Variants in MFN1 observed in about 807,000 individuals in gnomAD.
The protein encoded by MFN1 is mitofusin-1.
MFN1 carries 65 observed loss-of-function variants against 92.4 expected under a neutral mutation model. The ratio of observed to expected loss-of-function variants is 0.70; its 90% CI spans 0.58 to 0.86. MFN1 has a LOEUF of 0.86. Ranked by LOEUF, MFN1 falls within the 40% of genes least tolerant of loss-of-function variation. The probability of loss-of-function intolerance (pLI) is 0.00; values close to 1 mark genes in which losing one functional copy is unlikely to be tolerated. For missense variants in MFN1, 781 were observed against 868.0 expected, an observed-to-expected ratio of 0.90 and a Z score of 1.26; for synonymous variants, 297 against 300.9, an observed-to-expected ratio of 0.99 and a Z score of 0.13.
intron 14 of MFN1, among the ~76,000 whole-genome samples, chr3:179,385,024 G>A (rs2108556436): frequency 1.4e-5 from 2 of 145,254 alleles, no homozygotes; most frequent in South Asian, 4.6e-4. Flanking sequence ...TCCTGCCTCA[G>A]CCTCCCAAGT....
Position 179,368,021 on chromosome 3 carries a change from G to T in MFN1, c.908-15G>T, listed in dbSNP as rs1261733976. On this transcript the variant is annotated splice_polypyrimidine_tract_variant and intron_variant, in intron 8 of 17. Transcript: ENST00000471841. ...CTACATACTAGGTTTTTAAATCTTT[G>T]CCTGTACGTTACAGGTGTGGCACTT... is the stretch of plus-strand genomic sequence containing the variant. The T allele has an allele frequency of 1.3e-6, 2 of 1,495,494 alleles. No individual in the cohort carries two copies. The highest frequency in any genetic ancestry group is 1.8e-6 in the Non-Finnish European group (2 of 1,117,682). The allele number at this position is 1,495,494 out of a possible 1,614,324, so 92.6% of individuals were successfully genotyped here.
At chr3:179,350,064 A>AGG (rs1712082397) in intron 2 of MFN1, among the ~76,000 whole-genome samples, 1 of 151,960 alleles carries the variant, frequency 6.6e-6, no homozygotes, top group Non-Finnish European at 1.5e-5. Flanking sequence ...GAGGAGGGAG[A>AGG]ATCGCTTGAA....
At chr3:179,361,898 C>G (rs1173645487) in intron 4 of MFN1, among the ~76,000 whole-genome samples, 1 of 152,306 alleles carries the variant, frequency 6.6e-6, no homozygotes, top group East Asian at 1.9e-4. Context: ...CATTAATTGA[C>G]TTAGGATAAT....
In MFN1 at chr3:179,392,618, TA is replaced by T. The variant is rs1713951705; in HGVS notation, c.*563del. ...CTTTTTATTCCCGTTAAAACTGATG[TA>T]AAACAGGATAAAGGCTTGTTATAGT... On this transcript the variant is annotated 3_prime_UTR_variant, in exon 18 of 18. Transcript: ENST00000471841. 1 of 152,250 alleles carries T rather than the reference TA, an allele frequency of 6.6e-6. No homozygotes were observed. Among genetic ancestry groups the T allele is most frequent in the South Asian group, 2.1e-4 (1 of 4,834 alleles). 9.4% of individuals were successfully genotyped at this position (152,250 alleles called of 1,614,324 possible).
intron 16 of MFN1, among the ~76,000 whole-genome samples, chr3:179,389,444 TTAAAA>T (rs1175799090): frequency 1.3e-5 from 2 of 152,102 alleles, no homozygotes; most frequent in East Asian, 1.9e-4. Flanking sequence ...AATTTCTCAG[TTAAAA>T]TAAACTAAGT....
chr3:179,376,528 CT>C (rs1713247392), intron 10 of MFN1, among the ~76,000 whole-genome samples: 1 of 152,018 alleles, frequency 6.6e-6, no homozygotes, highest in Non-Finnish European at 1.5e-5. Context: ...GTTGAACAAA[CT>C]TTTGTTTAAA....
intron 2 of MFN1, among the ~76,000 whole-genome samples, chr3:179,349,796 C>T (rs1712070819): frequency 6.6e-6 from 1 of 151,898 alleles, no homozygotes; most frequent in African/African-American, 2.4e-5. Context: ...TGTGAGCCAC[C>T]ACACCCGGCC....
chr3:179,348,835 C>G lies in MFN1; in HGVS notation c.-7-10C>G. 1 of 1,605,052 alleles carries G rather than the reference C, an allele frequency of 6.2e-7. No homozygotes were observed. ...TTAGTTGGTGCTTTTCTAACTTTAT[C>G]TCCCTCTAGTAGCATAATGGCAGAA... is the stretch of plus-strand genomic sequence containing the variant. On this transcript the variant is annotated splice_polypyrimidine_tract_variant and intron_variant, in intron 1 of 17. Transcript: ENST00000471841.
chr3:179,352,944 G>A (rs1030608142), intron 3 of MFN1, among the ~76,000 whole-genome samples: 6 of 151,490 alleles, frequency 4.0e-5, no homozygotes, highest in Admixed American at 2.0e-4. Context: ...TAGAGGTGGG[G>A]TTTCACCATA....
At chr3:179,373,070 T>C (rs192392330) in intron 9 of MFN1, among the ~76,000 whole-genome samples, 3 of 152,342 alleles carry the variant, frequency 2.0e-5, no homozygotes, top group Admixed American at 2.0e-4. Flanking sequence ...AAATAAGTGA[T>C]GCATAAATGA....
rs1039111525 is a variant in MFN1 at position 179,388,831 on chromosome 3, A to G, written c.2013-1173A>G. On this transcript the variant is annotated intron_variant, in intron 16 of 17. Transcript: ENST00000471841. ...AGGGGAAAAGACTGCATTCAAAGACATGAAGAGAAATATTCAATGTGGCAC... is the reference window on the plus strand; with the variant it reads ...AGGGGAAAAGACTGCATTCAAAGACGTGAAGAGAAATATTCAATGTGGCAC... Among the ~76,000 whole-genome samples, 6 of 152,250 alleles carry G rather than the reference A, an allele frequency of 3.9e-5. No individual in the cohort carries two copies. In the East Asian group the frequency reaches 1.2e-3, roughly 29 times the overall value.
rs927661987 is a variant in MFN1 at position 179,360,196 on chromosome 3, G to A, written c.411+1194G>A. Among the ~76,000 whole-genome samples the A allele has an allele frequency of 5.3e-5, 8 of 152,104 alleles. No homozygotes were observed. In the East Asian group the frequency reaches 5.8e-4, roughly 11 times the overall value. The stretch of plus-strand genomic sequence containing the variant: ...CTCCCAAAGTGCTGAGATTACAGGC[G>A]TGAACCACCACGCCCGGCTGAGACT... On this transcript the variant is annotated intron_variant, in intron 4 of 17. Transcript: ENST00000471841.
Position 179,351,944 on chromosome 3 carries a change from GA to G in MFN1, c.158del (p.Asp53ValfsTer3). The G allele has an allele frequency of 6.2e-7, 1 of 1,609,822 alleles. No individual in the cohort carries two copies. The highest frequency in any genetic ancestry group is 8.5e-7 in the Non-Finnish European group (1 of 1,176,810). On this transcript the variant is annotated frameshift_variant, in exon 3 of 18. Transcript: ENST00000471841. LOFTEE classifies it high-confidence loss of function. The part of the protein sequence containing the change: ...PELDRIATED[D>X]LVEMQGYKDK... ...ACTTGATCGAATAGCCACTGAAGAT[GA>G]TCTGGTAGAAATGCAAGGATATAAA...
At chr3:179,373,492 A>G (rs556699252) in intron 9 of MFN1, among the ~76,000 whole-genome samples, 2 of 152,246 alleles carry the variant, frequency 1.3e-5, no homozygotes, top group South Asian at 4.2e-4. Context: ...CGAGAAGATG[A>G]ATTCATTGGA....
In MFN1 at chr3:179,375,231, G is replaced by A. The variant is rs769445078; in HGVS notation, c.987G>A (p.Ser329=). Residue 329 remains serine (S), a synonymous_variant, in exon 10 of 18, where the codon TCG becomes TCA. Transcript: ENST00000471841. The part of the protein sequence containing the change: ...NFEQIFEECI[S]QSAVKTKFEQ... ...TGGGCCCCTCGCAGGAGTGTATCTC[G>A]CAGTCAGCAGTGAAAACAAAGTTCG... The A allele has an allele frequency of 3.1e-6, 5 of 1,612,526 alleles. No homozygotes were observed. The highest frequency in any genetic ancestry group is 1.3e-5 in the African/African-American group (1 of 74,838).
chr3:179,378,467 A>G lies in MFN1; in HGVS notation c.1432+24A>G, dbSNP rs753145517. 7.0e-6 allele frequency: 11 copies of G among 1,567,434 alleles called. No homozygotes were observed. In the South Asian group the frequency reaches 1.2e-4, roughly 17 times the overall value. The stretch of plus-strand genomic sequence containing the variant: ...TGGTAATATTTATGTCTACAAGGTC[A>G]TGTCTGGTTTGTTTTTTCATTCATG... On this transcript the variant is annotated intron_variant, in intron 13 of 17. Coordinates refer to ENST00000471841, the MANE Select transcript of MFN1 (RefSeq NM_033540.3).
intron 4 of MFN1, among the ~76,000 whole-genome samples, chr3:179,360,381 G>A (rs1712528286): frequency 6.6e-6 from 1 of 152,078 alleles, no homozygotes; most frequent in Non-Finnish European, 1.5e-5. Context: ...TTAAGAAATT[G>A]GGCCCTGGCA....
In MFN1 at chr3:179,386,646, A is replaced by G. The variant is rs1465894657; in HGVS notation, c.2012+17A>G. The G allele has an allele frequency of 6.3e-6, 10 of 1,576,938 alleles. No individual in the cohort carries two copies. The highest frequency in any genetic ancestry group is 7.7e-6 in the Non-Finnish European group (9 of 1,163,924). ...AGTAAAACAGTAAGTTGGAAGGTGC[A>G]TCTTTCCTTTAAAAAAAAGTTACTG... On this transcript the variant is annotated intron_variant, in intron 16 of 17. Coordinates refer to ENST00000471841, the MANE Select transcript of MFN1 (RefSeq NM_033540.3).
rs59491573 is a variant in MFN1 at position 179,378,056 on chromosome 3, A to G, written c.1330-285A>G. 7.1e-3 allele frequency among the ~76,000 whole-genome samples: 1,079 copies of G among 152,030 alleles called. 10 individuals are homozygous for G. The highest frequency in any genetic ancestry group is 0.025 in the African/African-American group (1,032 of 41,502). ...ACCTGGGCAACAAGAGCAAAACTCT[A>G]TCTCAAAAAAAATAAAAAATAGCCA... On this transcript the variant is annotated intron_variant, in intron 12 of 17. Coordinates refer to ENST00000471841, the MANE Select transcript of MFN1 (RefSeq NM_033540.3).
Sources: allele counts gnomAD v4.1 joint callset (sites outside exome capture counted in the v4.1 genomes callset), GRCh38; gene constraint gnomAD v4.1.1; transcripts MANE v1.5; gene names NCBI Gene and HGNC (gene_info 2026-07-23, HGNC 2026-07-21).